The following MRPS22 variants were observed in gnomAD, a reference collection of about 807,000 sequenced individuals.
MRPS22 encodes mitochondrial ribosomal protein S22, also known as small ribosomal subunit protein mS22.
In MRPS22, 30 loss-of-function variants were observed where a neutral mutation model predicts 44.0. The ratio of observed to expected loss-of-function variants is 0.68; its 90% CI spans 0.51 to 0.93. The LOEUF is 0.93. MRPS22 is among the 40% of genes least tolerant of loss of function. The pLI is 0.00. For missense variants in MRPS22, 447 were observed against 447.8 expected, an observed-to-expected ratio of 1.00 and a Z score of 0.02; for synonymous variants, 165 against 154.4, an observed-to-expected ratio of 1.07 and a Z score of -0.51.
At chr3:139,349,985 T>A (rs542098195) in intron 3 of MRPS22, among the ~76,000 whole-genome samples, 194 bp from the exon 4 acceptor site, 1 of 152,364 alleles carries the variant, frequency 6.6e-6, no homozygotes, top group African/African-American at 2.4e-5. Context: ...GATTGTCAGA[T>A]GCACAGCAGT....
intron 5 of MRPS22, chr3:139,351,575 C>T: frequency 5.7e-6 from 1 of 176,752 alleles, no homozygotes; most frequent in Non-Finnish European, 1.2e-5. Context: ...TAATTATCTC[C>T]TCAGGCCTAA....
Position 139,350,981 on chromosome 3 carries a change from T to C in MRPS22, c.653T>C (p.Met218Thr), listed in dbSNP as rs771345753. The change falls in exon 5 of 8, where the codon ATG becomes ACG. Residue 218 changes from methionine (M) to threonine (T), a missense_variant. Physicochemically the swap from Met to Thr is moderately conservative, Grantham distance 81. Coordinates refer to ENST00000680020, the MANE Select transcript of MRPS22 (RefSeq NM_020191.4). The part of the protein sequence containing the change: ...IIFKEENLRT[M>T]YSQDRHVDVL... The stretch of plus-strand genomic sequence containing the variant: ...AACTCTGCTGTGTGGTTTTAGACTA[T>C]GTATAGCCAGGACAGGCATGTTGAT... 2 of 1,613,884 alleles carry C rather than the reference T, an allele frequency of 1.2e-6. No individual in the cohort carries two copies. Among genetic ancestry groups the C allele is most frequent in the Non-Finnish European group, 1.7e-6 (2 of 1,179,752 alleles).
chr3:139,346,705 C>CTCA, intron 1 of MRPS22, 173 bp from the exon 2 acceptor site: 1 of 658,886 alleles, frequency 1.5e-6, no homozygotes, highest in East Asian at 2.8e-5. Flanking sequence ...ATAATGAGTG[C>CTCA]TCAGTAAATC....
At chr3:139,348,087 A>G in intron 2 of MRPS22, 73 bp from the exon 3 acceptor site, 1 of 1,493,092 alleles carries the variant, frequency 6.7e-7, no homozygotes, top group Non-Finnish European at 9.2e-7. Flanking sequence ...TTTTATTAGT[A>G]TGTGCTTTTG....
Position 139,355,677 on chromosome 3 carries a change from C to T in MRPS22, c.879-5C>T. 6.2e-7 allele frequency: 1 copy of T among 1,612,070 alleles called. No individual in the cohort carries two copies. The highest frequency in any genetic ancestry group is 8.5e-7 in the Non-Finnish European group (1 of 1,178,176). On this transcript the variant is annotated splice_polypyrimidine_tract_variant and splice_region_variant and intron_variant, in intron 6 of 7. Transcript: ENST00000680020. ...CTAGATAACATTAAACCCTTTCATT[C>T]TCAGAATCGATGATGCAACCAACTT...
chr3:139,346,798 T>C, intron 1 of MRPS22, 80 bp from the exon 2 acceptor site: 1 of 1,458,998 alleles, frequency 6.9e-7, no homozygotes, highest in Non-Finnish European at 9.6e-7. Flanking sequence ...ATGCTTTTTA[T>C]TGTTAACTGA....
intron 6 of MRPS22, among the ~76,000 whole-genome samples, chr3:139,354,206 G>A (rs1941203456): frequency 6.6e-6 from 1 of 152,184 alleles, no homozygotes; most frequent in African/African-American, 2.4e-5. Context: ...TTAGGATTCT[G>A]CACACATTTA....
chr3:139,352,365 C>T (rs1941167260), intron 5 of MRPS22: 1 of 379,340 alleles, frequency 2.6e-6, no homozygotes, highest in Admixed American at 4.0e-5. Context: ...ATGAGGACTG[C>T]TCAAGCAGTC....
At chr3:139,344,391 C>T (rs1168985087) in intron 1 of MRPS22, among the ~76,000 whole-genome samples, 193 bp downstream of exon 1, 1 of 152,276 alleles carries the variant, frequency 6.6e-6, no homozygotes, top group Non-Finnish European at 1.5e-5. Flanking sequence ...CACTCAACTA[C>T]AGTGCCTGAG....
chr3:139,348,207 A>G lies in MRPS22; in HGVS notation c.387A>G (p.Pro129=), dbSNP rs1297740649. ...CAGCTAAAGTACGATTAAAAATGCC[A>G]CCAGTTCTGGAAGAGCGAGTACCAA... ...VEAAKVRLKM[P]PVLEERVPIN... Residue 129 remains proline (P), a synonymous_variant, in exon 3 of 8, where the codon CCA becomes CCG. Transcript: ENST00000680020. 1 of 1,614,190 alleles carries G rather than the reference A, an allele frequency of 6.2e-7. No homozygotes were observed. Among genetic ancestry groups the G allele is most frequent in the Non-Finnish European group, 8.5e-7 (1 of 1,180,018 alleles).
intron 3 of MRPS22, chr3:139,349,421 T>C (rs989390196): frequency 2.0e-5 from 8 of 404,498 alleles, no homozygotes; most frequent in African/African-American, 1.3e-4. Context: ...TTGGTTAATT[T>C]ATACATTAAT....
At chr3:139,349,646 A>G (rs1941108972) in intron 3 of MRPS22, among the ~76,000 whole-genome samples, 1 of 152,204 alleles carries the variant, frequency 6.6e-6, no homozygotes, top group Admixed American at 6.5e-5. Context: ...GGGAGTTGGC[A>G]GTTGGAAGAT....
chr3:139,345,033 A>C (rs569592379), intron 1 of MRPS22, among the ~76,000 whole-genome samples: 4 of 152,302 alleles, frequency 2.6e-5, no homozygotes, highest in African/African-American at 9.6e-5. Context: ...ACTAAAGGTG[A>C]GTGAATGGGT....
At position 139,352,782 on chromosome 3, in the gene MRPS22, C is replaced by G. The variant is rs529406629; in HGVS notation, c.868C>G (p.Gln290Glu). Residue 290 changes from glutamine to glutamate, a missense_variant, in exon 6 of 8, where the codon CAG (glutamine) becomes GAG (glutamate). By Grantham distance (29) the Gln-to-Glu change is conservative (BLOSUM62 2). Transcript: ENST00000680020. ...TGATGGTTTGCTGATTGACCAGATT[C>G]AGAGAGATTTGTAAGTATGATCTTA... is the stretch of plus-strand genomic sequence containing the variant. Reference protein sequence around the residue: ...KIDGLLIDQIQRDLIDDATNL... With the variant: ...KIDGLLIDQIERDLIDDATNL... 7.4e-6 allele frequency: 12 copies of G among 1,613,124 alleles called. No homozygotes were observed. The highest frequency in any genetic ancestry group is 2.2e-5 in the East Asian group (1 of 44,842).
At chr3:139,355,266 C>T (rs1560009001) in intron 6 of MRPS22, among the ~76,000 whole-genome samples, 1 of 152,146 alleles carries the variant, frequency 6.6e-6, no homozygotes, top group Non-Finnish European at 1.5e-5. Context: ...CCACCACCCT[C>T]CTGCTTATGT....
intron 2 of MRPS22, among the ~76,000 whole-genome samples, chr3:139,347,285 C>T (rs1941057430): frequency 1.3e-5 from 2 of 152,032 alleles, no homozygotes. Context: ...ATCCTCTCTC[C>T]TCTCAAGGCA....
chr3:139,350,890 T>C, intron 4 of MRPS22, 87 bp from the exon 5 acceptor site: 1 of 971,738 alleles, frequency 1.0e-6, no homozygotes. Context: ...GTGGCCAGTA[T>C]GTGGGTGGGC....
intron 3 of MRPS22, chr3:139,349,130 A>G (rs1941100034): frequency 2.9e-6 from 1 of 347,074 alleles, no homozygotes; most frequent in Non-Finnish European, 5.6e-6. Flanking sequence ...CATGAGTCAC[A>G]GAGTTTCAAT....
chr3:139,350,357 T>G (rs1157246962), intron 4 of MRPS22, 35 bp downstream of exon 4: 1 of 1,610,638 alleles, frequency 6.2e-7, no homozygotes, highest in South Asian at 1.1e-5. Flanking sequence ...TTAGAGCCAG[T>G]GGTGATGATT....
Sources: allele counts gnomAD v4.1 joint callset (sites outside exome capture counted in the v4.1 genomes callset), GRCh38; gene constraint gnomAD v4.1.1; transcripts MANE v1.5; gene names NCBI Gene and HGNC (gene_info 2026-07-23, HGNC 2026-07-21).